The following FBN1 variants were observed in gnomAD, a reference collection of about 807,000 sequenced individuals.
The protein encoded by FBN1 is fibrillin-1.
In FBN1, 29 loss-of-function variants were observed where a neutral mutation model predicts 365.1. The observed-to-expected ratio is 0.08, with a 90% CI of 0.06 to 0.11. The LOEUF (loss-of-function observed/expected upper bound fraction) is 0.11, where lower values mean the gene tolerates loss of function less well. Among genes scored for constraint, FBN1 ranks in the 10% least tolerant of loss-of-function variants. The pLI is 1.00. For synonymous variants in FBN1, 1,210 were observed against 1,270.5 expected, an observed-to-expected ratio of 0.95 and a Z score of 1.01; for missense variants, 2,476 against 3,703.2, an observed-to-expected ratio of 0.67 and a Z score of 8.60.
rs1466536585 is a variant in FBN1, at chr15:48,409,891, C to T, written c.*1099G>A. Reference sequence around the variant, plus strand: ...AGGTTAATGACACCAGACTCTGCTACTTTCAATGGATAAAACAAGGGATCG... The same window carrying T: ...AGGTTAATGACACCAGACTCTGCTATTTTCAATGGATAAAACAAGGGATCG... On this transcript the variant is annotated 3_prime_UTR_variant, in exon 66 of 66. Transcript: ENST00000316623. The T allele has an allele frequency of 6.6e-6, 1 of 152,232 alleles. No homozygotes were observed. The highest frequency in any genetic ancestry group is 1.5e-5 in the Non-Finnish European group (1 of 68,040). 9.4% of individuals were successfully genotyped at this position (152,232 alleles called of 1,614,324 possible).
intron 6 of FBN1, among the ~76,000 whole-genome samples, chr15:48,581,704 A>G (rs1247739326): frequency 1.3e-5 from 2 of 152,208 alleles, no homozygotes; most frequent in African/African-American, 2.4e-5. Context: ...TCTGACTGAA[A>G]ATCAAAAAGG....
intron 63 of FBN1, among the ~76,000 whole-genome samples, chr15:48,420,101 A>G (rs2042928377): frequency 6.6e-6 from 1 of 152,218 alleles, no homozygotes; most frequent in Non-Finnish European, 1.5e-5. Flanking sequence ...TTATTTTCCC[A>G]TGACATTGTA....
chr15:48,592,612 G>A (rs746913954), intron 6 of FBN1, among the ~76,000 whole-genome samples: 40 of 151,992 alleles, frequency 2.6e-4, no homozygotes, highest in Admixed American at 7.2e-4. Flanking sequence ...GCAAAGGGTC[G>A]GAGTAGGAGG....
At chr15:48,638,196 A>C (rs1039794151) in intron 2 of FBN1, among the ~76,000 whole-genome samples, 54 of 151,882 alleles carry the variant, frequency 3.6e-4, no homozygotes, top group Admixed American at 3.5e-3. Flanking sequence ...CACCATGCCC[A>C]GCCCTAATAG....
chr15:48,488,541 G>C (rs762792476), intron 25 of FBN1, 48 bp from the exon 26 acceptor site: 16 of 1,601,016 alleles, frequency 1.0e-5, no homozygotes, highest in Middle Eastern at 1.7e-4. Context: ...TGAGCAAGCA[G>C]TCAGGAGGTC....
chr15:48,435,895 A>G (rs1454124643), intron 53 of FBN1, among the ~76,000 whole-genome samples: 1 of 151,770 alleles, frequency 6.6e-6, no homozygotes, highest in African/African-American at 2.4e-5. Flanking sequence ...TCCCCTTAGG[A>G]AAGAAATAAT....
In FBN1 at chr15:48,490,009, T is replaced by C; in HGVS notation, c.2924A>G (p.His975Arg). Residue 975 changes from histidine (H) to arginine (R), a missense_variant, in exon 25 of 66, where the codon CAC (histidine) becomes CGC (arginine). By Grantham distance (29) the His-to-Arg change is conservative. Coordinates refer to ENST00000316623, the MANE Select transcript of FBN1 (RefSeq NM_000138.5). Reference sequence around the variant, plus strand: ...GGAGCAGCAGCAGGCGTCCATGCGGTGGCGGCCAGCAATAGGCAGGGTGCA... The same window carrying C: ...GGAGCAGCAGCAGGCGTCCATGCGGCGGCGGCCAGCAATAGGCAGGGTGCA... ...EECTLPIAGR[H>R]RMDACCCSVG... is the part of the protein sequence containing the mutation. The C allele has an allele frequency of 6.2e-7, 1 of 1,614,116 alleles. No homozygotes were observed. Among genetic ancestry groups the C allele is most frequent in the Non-Finnish European group, 8.5e-7 (1 of 1,180,018 alleles).
At chr15:48,454,660 C>T (rs2043226264) in intron 44 of FBN1, among the ~76,000 whole-genome samples, 1 of 152,176 alleles carries the variant, frequency 6.6e-6, no homozygotes, top group Non-Finnish European at 1.5e-5. Flanking sequence ...AGTACCAGTT[C>T]TGGGCTTTTA....
In FBN1 at chr15:48,520,775, C is replaced by A. The variant is rs200388305; in HGVS notation, c.1031G>T (p.Arg344Leu). 2.5e-6 allele frequency: 4 copies of A among 1,614,166 alleles called. No individual in the cohort carries two copies. In the African/African-American group the frequency reaches 5.3e-5, roughly 22 times the overall value. ...GGACTGTGGCAGCTGGTTAGAGCAG[C>A]GCCCGTTTGTCAGAGCTGTGTAACA... ...GYCYTALTNG[R>L]CSNQLPQSIT... Residue 344 changes from arginine (R) to leucine (L), a missense_variant, in exon 10 of 66, where the codon CGC becomes CTC. By Grantham distance (102) the Arg-to-Leu change is moderately radical. This residue lies in a region of FBN1 where 421 missense variants were observed against 520.1 expected (regional missense o/e 0.81). Coordinates refer to ENST00000316623, the MANE Select transcript of FBN1 (RefSeq NM_000138.5).
intron 44 of FBN1, among the ~76,000 whole-genome samples, chr15:48,454,012 T>C (rs1198045865): frequency 1.3e-5 from 2 of 152,162 alleles, no homozygotes; most frequent in Admixed American, 6.5e-5. Flanking sequence ...TGGGTATAGA[T>C]TAATATCCTA....
intron 63 of FBN1, among the ~76,000 whole-genome samples, chr15:48,416,986 T>G (rs1449510606): frequency 6.6e-6 from 1 of 152,200 alleles, no homozygotes; most frequent in Non-Finnish European, 1.5e-5. Flanking sequence ...AGGTATTATA[T>G]TCTCTGTTTT....
At chr15:48,607,151 A>G (rs533155516) in intron 4 of FBN1, among the ~76,000 whole-genome samples, 1 of 152,296 alleles carries the variant, frequency 6.6e-6, no homozygotes, top group African/African-American at 2.4e-5. Flanking sequence ...GTAAATCTAC[A>G]ATTATCTCAG....
chr15:48,449,902 T>C (rs970980147), intron 45 of FBN1, among the ~76,000 whole-genome samples: 6 of 152,174 alleles, frequency 3.9e-5, no homozygotes, highest in African/African-American at 1.4e-4. Flanking sequence ...ACCCTCCCTG[T>C]GCCAGAATCA....
chr15:48,644,786 C>A lies in FBN1; in HGVS notation c.-17G>T, dbSNP rs1566944910. The stretch of plus-strand genomic sequence containing the variant: ...TCGACGCATGATGCCGAGCCGCCAC[C>A]GGCTCCCGCCGCCTCTTGCCGCGCC... On this transcript the variant is annotated 5_prime_UTR_variant, in exon 2 of 66. Transcript: ENST00000316623. 1 of 1,598,670 alleles carries A rather than the reference C, an allele frequency of 6.3e-7. No individual in the cohort carries two copies. The highest frequency in any genetic ancestry group is 2.3e-5 in the East Asian group (1 of 44,442).
intron 6 of FBN1, among the ~76,000 whole-genome samples, chr15:48,539,058 G>A (rs551205319): frequency 1.3e-5 from 2 of 152,268 alleles, no homozygotes; most frequent in South Asian, 2.1e-4. Context: ...ATTCTGGATC[G>A]TAACAATGTT....
In FBN1 at chr15:48,438,205, G is replaced by A. The variant is rs1176847346; in HGVS notation, c.6164-288C>T. Reference sequence around the variant, plus strand: ...AATCCAATAAAATCCAAAACTGACAGTTTTCAAAACTGACATCTGTCAGTG... The same window carrying A: ...AATCCAATAAAATCCAAAACTGACAATTTTCAAAACTGACATCTGTCAGTG... On this transcript the variant is annotated intron_variant, in intron 50 of 65. Coordinates refer to ENST00000316623, the MANE Select transcript of FBN1 (RefSeq NM_000138.5). Among the ~76,000 whole-genome samples, 4 of 152,124 alleles carry A rather than the reference G, an allele frequency of 2.6e-5. No homozygotes were observed. The East Asian group carries it at 5.8e-4, about 22-fold the overall frequency.
intron 53 of FBN1, 57 bp downstream of exon 53, chr15:48,436,904 C>T (rs1167248997): frequency 9.3e-7 from 1 of 1,077,752 alleles, no homozygotes; most frequent in Admixed American, 1.7e-5. Context: ...ACAGTGAATA[C>T]TGTATAGCTT....
chr15:48,591,364 A>G (rs1039643101), intron 6 of FBN1, among the ~76,000 whole-genome samples: 5 of 152,204 alleles, frequency 3.3e-5, no homozygotes, highest in African/African-American at 1.2e-4. Flanking sequence ...CCTCCAAAAA[A>G]GAGTTCCAAA....
chr15:48,548,722 G>A (rs1452134716), intron 6 of FBN1, among the ~76,000 whole-genome samples: 1 of 152,144 alleles, frequency 6.6e-6, no homozygotes, highest in Non-Finnish European at 1.5e-5. Context: ...AAAATAATAA[G>A]AGACAGCATT....
Sources: gnomAD v4.1 joint callset for allele counts (sites outside exome capture counted in the v4.1 genomes callset) on GRCh38, gnomAD v4.1.1 for gene constraint, gnomAD v4.1.1 regional missense constraint, MANE v1.5 for transcripts, NCBI Gene and HGNC (gene_info 2026-07-23, HGNC 2026-07-21) for gene names.